The following ZYG11A variants were observed in gnomAD, a reference collection of about 807,000 sequenced individuals.
ZYG11A encodes the protein zyg-11 family member A, cell cycle regulator.
A neutral mutation model predicts 77.2 loss-of-function variants in ZYG11A; 62 were observed. The ratio of observed to expected loss-of-function variants is 0.80; its 90% CI spans 0.65 to 0.99. The LOEUF is 0.99. ZYG11A is among the 50% of genes least tolerant of loss of function. ZYG11A has a pLI of 0.00. For missense variants in ZYG11A, 828 were observed against 896.8 expected (o/e 0.92, Z 0.98); for synonymous variants, 315 against 324.6 (o/e 0.97, Z 0.32).
chr1:52,857,196 G>A lies in ZYG11A; in HGVS notation c.455G>A (p.Arg152Lys), dbSNP rs1028664643. The change falls in exon 3 of 14, where the codon AGG becomes AAG. Residue 152 changes from arginine to lysine, a missense_variant. Coordinates refer to ENST00000371528, the MANE Select transcript of ZYG11A (RefSeq NM_001004339.3). ...PDIISGLCSN[R>K]WIQQNLQCLL... ...ATCATAAGTGGACTCTGCAGCAATA[G>A]GTGGATCCAGCAAAACCTCCAGTGT... The A allele has an allele frequency of 1.4e-5, 21 of 1,552,058 alleles. No individual in the cohort carries two copies. The Middle Eastern group carries it at 8.3e-4, about 61-fold the overall frequency.
intron 5 of ZYG11A, among the ~76,000 whole-genome samples, chr1:52,864,704 G>GT (rs1557441060): frequency 6.6e-6 from 1 of 151,870 alleles, no homozygotes. Context: ...GAGTGCAGTG[G>GT]TATGATCTCG....
At chr1:52,868,553 G>A (rs796815441) in intron 8 of ZYG11A, among the ~76,000 whole-genome samples, 29 of 152,150 alleles carry the variant, frequency 1.9e-4, no homozygotes, top group African/African-American at 6.0e-4. Flanking sequence ...AGGCTGAGGC[G>A]GGTGGATCAC....
chr1:52,863,013 C>T (rs902021786), intron 4 of ZYG11A, among the ~76,000 whole-genome samples: 6 of 152,058 alleles, frequency 3.9e-5, no homozygotes, highest in Admixed American at 6.6e-5. Flanking sequence ...TTTAGATGTT[C>T]TAAATTTCTT....
rs776479680 is a variant in ZYG11A, at chr1:52,860,827, A to G, written c.1105A>G (p.Thr369Ala). 2.3e-5 allele frequency: 36 copies of G among 1,551,634 alleles called. No individual in the cohort carries two copies. The highest frequency in any genetic ancestry group is 2.9e-5 in the Non-Finnish European group (33 of 1,147,010). The stretch of plus-strand genomic sequence containing the variant: ...GAAGGAAGCCCTCCACAGGCTGTTC[A>G]CAGAGACATTTTCAATGGAGGTAAC... Reference protein sequence around the residue: ...FVKEALHRLFTETFSMEVTMP... With the variant: ...FVKEALHRLFAETFSMEVTMP... The change falls in exon 4 of 14, where the codon ACA (threonine) becomes GCA (alanine). Residue 369 changes from threonine (T) to alanine (A), a missense_variant. By Grantham distance (58) the Thr-to-Ala change is moderately conservative. Coordinates refer to ENST00000371528, the MANE Select transcript of ZYG11A (RefSeq NM_001004339.3).
intron 2 of ZYG11A, among the ~76,000 whole-genome samples, chr1:52,855,101 A>T (rs2149992764): frequency 6.6e-6 from 1 of 151,552 alleles, no homozygotes; most frequent in Non-Finnish European, 1.5e-5. Flanking sequence ...AGTTCAGATG[A>T]TCCGTCTGCC....
chr1:52,863,261 T>G (rs1489328048), intron 4 of ZYG11A, among the ~76,000 whole-genome samples: 1 of 152,252 alleles, frequency 6.6e-6, no homozygotes, highest in Admixed American at 6.5e-5. Flanking sequence ...TGCCCTCATT[T>G]TACATTTGTG....
chr1:52,848,234 C>G (rs1274603379), intron 1 of ZYG11A, among the ~76,000 whole-genome samples: 2 of 152,090 alleles, frequency 1.3e-5, no homozygotes, highest in African/African-American at 4.8e-5. Context: ...AACTCCTGAC[C>G]TGGTGATCCG....
At chr1:52,858,687 A>T (rs1406319577) in intron 3 of ZYG11A, among the ~76,000 whole-genome samples, 2 of 151,196 alleles carry the variant, frequency 1.3e-5, no homozygotes, top group African/African-American at 2.4e-5. Flanking sequence ...ATCTCGGCTC[A>T]CTGCAACCTT....
chr1:52,889,265 G>A (rs775571504), intron 13 of ZYG11A, among the ~76,000 whole-genome samples: 82 of 152,172 alleles, frequency 5.4e-4, no homozygotes, highest in Admixed American at 2.6e-3. Flanking sequence ...CTCCCAAATA[G>A]CTGGGACTAT....
chr1:52,849,735 T>C (rs937984806), intron 1 of ZYG11A, among the ~76,000 whole-genome samples: 1 of 150,560 alleles, frequency 6.6e-6, no homozygotes, highest in African/African-American at 2.4e-5. Context: ...CAGGCTGGAG[T>C]GCAGTGGCGC....
chr1:52,886,679 T>C (rs796991117), intron 12 of ZYG11A, among the ~76,000 whole-genome samples: 19 of 146,406 alleles, frequency 1.3e-4, no homozygotes, highest in African/African-American at 4.8e-4. Flanking sequence ...CCTACAGGCG[T>C]GTGCCACCAG....
At chr1:52,876,067 T>C (rs569775763) in intron 8 of ZYG11A, among the ~76,000 whole-genome samples, 2 of 151,866 alleles carry the variant, frequency 1.3e-5, no homozygotes, top group Non-Finnish European at 2.9e-5. Flanking sequence ...TTAGGAAGAG[T>C]GGGTGTATTT....
intron 2 of ZYG11A, among the ~76,000 whole-genome samples, chr1:52,856,635 A>G (rs111587886): frequency 0.015 from 2,214 of 152,160 alleles, 62 homozygotes; most frequent in African/African-American, 0.051. Flanking sequence ...GTACTTATCT[A>G]CCTATTTTAT....
At chr1:52,853,257 G>T (rs1187638732) in intron 1 of ZYG11A, among the ~76,000 whole-genome samples, 1 of 152,152 alleles carries the variant, frequency 6.6e-6, no homozygotes, top group Non-Finnish European at 1.5e-5. Flanking sequence ...TTGAAGTATG[G>T]TTTCTACTTT....
rs866905739 is a variant in ZYG11A at position 52,890,147 on chromosome 1, C to T, written c.2105-2635C>T. Reference sequence around the variant, plus strand: ...ATTACTGACAAAATCTCTTTGTCACCCCACCCCTATTCTTACTCTTAAATA... The same window carrying T: ...ATTACTGACAAAATCTCTTTGTCACTCCACCCCTATTCTTACTCTTAAATA... On this transcript the variant is annotated intron_variant, in intron 13 of 13. Transcript: ENST00000371528. 4.7e-5 allele frequency among the ~76,000 whole-genome samples: 7 copies of T among 150,166 alleles called. 1 individual carries two copies. The South Asian group carries it at 1.0e-3, about 23-fold the overall frequency.
At chr1:52,847,669 G>GC (rs1293628834) in intron 1 of ZYG11A, among the ~76,000 whole-genome samples, 1 of 132,830 alleles carries the variant, frequency 7.5e-6, no homozygotes, top group Non-Finnish European at 1.6e-5. Context: ...ACTGTACTTT[G>GC]TTTTTTTTTT....
chr1:52,867,209 A>G (rs562335110), intron 6 of ZYG11A, among the ~76,000 whole-genome samples: 2 of 152,342 alleles, frequency 1.3e-5, no homozygotes, highest in African/African-American at 2.4e-5. Flanking sequence ...AGCATTGTCT[A>G]CTACTCAGAT....
chr1:52,844,807 A>G (rs560978040), intron 1 of ZYG11A, among the ~76,000 whole-genome samples: 59 of 152,198 alleles, frequency 3.9e-4, no homozygotes, highest in African/African-American at 1.3e-3. Context: ...TTGTGTATAT[A>G]TAAGAATACA....
chr1:52,854,401 C>G, intron 1 of ZYG11A, 64 bp from the exon 2 acceptor site: 1 of 1,420,580 alleles, frequency 7.0e-7, no homozygotes. Flanking sequence ...ATGGCATGAC[C>G]AGTTTTATGT....
Sources: gnomAD v4.1 joint callset for allele counts (sites outside exome capture counted in the v4.1 genomes callset) on GRCh38, gnomAD v4.1.1 for gene constraint, MANE v1.5 for transcripts, NCBI Gene and HGNC (gene_info 2026-07-23, HGNC 2026-07-21) for gene names.